AKAP13: variants seen among roughly 807,000 people sequenced by gnomAD.
AKAP13 encodes A-kinase anchor protein 13.
In AKAP13, 80 loss-of-function variants were observed where a neutral mutation model predicts 264.5. The observed-to-expected ratio is 0.30, with a 90% CI of 0.25 to 0.36. The LOEUF (loss-of-function observed/expected upper bound fraction) is 0.36, where lower values mean the gene tolerates loss of function less well. Among genes scored for constraint, AKAP13 ranks in the 10% least tolerant of loss-of-function variants. The probability of loss-of-function intolerance (pLI) is 1.00; values close to 1 mark genes in which losing one functional copy is unlikely to be tolerated. For missense variants in AKAP13, 3,712 were observed against 3,435.2 expected, an observed-to-expected ratio of 1.08 and a Z score of -2.01; for synonymous variants, 1,380 against 1,250.2, an observed-to-expected ratio of 1.10 and a Z score of -2.19.
intron 5 of AKAP13, among the ~76,000 whole-genome samples, chr15:85,548,348 G>T (rs893683468): frequency 6.6e-6 from 1 of 152,126 alleles, no homozygotes; most frequent in African/African-American, 2.4e-5. Flanking sequence ...AAAAATTAGG[G>T]CTTATTTGTC....
Position 85,543,882 on chromosome 15 carries a change from A to G in AKAP13, c.589A>G (p.Asn197Asp). The change falls in exon 5 of 37, where the codon AAC (asparagine) becomes GAC (aspartate). Residue 197 changes from asparagine (N) to aspartate (D), a missense_variant. By Grantham distance (23) the Asn-to-Asp change is conservative. Coordinates refer to ENST00000394518, the MANE Select transcript of AKAP13 (RefSeq NM_007200.5). Reference sequence around the variant, plus strand: ...TGGCCGCGGAGCTCTCAGTATCCACAACCAGGAAGGGGCGACGCCTGTGAG... The same window carrying G: ...TGGCCGCGGAGCTCTCAGTATCCACGACCAGGAAGGGGCGACGCCTGTGAG... ...PGGRGALSIH[N>D]QEGATPVSLA... 1 of 1,614,106 alleles carries G rather than the reference A, an allele frequency of 6.2e-7. No homozygotes were observed. Among genetic ancestry groups the G allele is most frequent in the Non-Finnish European group, 8.5e-7 (1 of 1,180,006 alleles).
chr15:85,645,810 T>G lies in AKAP13; in HGVS notation c.4238-8T>G. The G allele has an allele frequency of 6.3e-7, 1 of 1,577,776 alleles. No individual in the cohort carries two copies. The highest frequency in any genetic ancestry group is 8.6e-7 in the Non-Finnish European group (1 of 1,166,692). ...TTTCAATATTGGTGAATAAATTCTC[T>G]TTTTCAGAATGTGAGAACTTCCTGG... On this transcript the variant is annotated splice_polypyrimidine_tract_variant and splice_region_variant and intron_variant, in intron 9 of 36. Coordinates refer to ENST00000394518, the MANE Select transcript of AKAP13 (RefSeq NM_007200.5).
chr15:85,681,391 CAT>C (rs2084589842), intron 14 of AKAP13, among the ~76,000 whole-genome samples: 2 of 152,278 alleles, frequency 1.3e-5, no homozygotes, highest in South Asian at 2.1e-4. Context: ...TCTTTATTAA[CAT>C]GTGGTAGATA....
At chr15:85,417,164 A>C (rs2072279352) in intron 1 of AKAP13, among the ~76,000 whole-genome samples, 1 of 152,118 alleles carries the variant, frequency 6.6e-6, no homozygotes. Context: ...TGATTGTTTG[A>C]TATTAAGTTT....
At chr15:85,631,866 A>G (rs964544924) in intron 8 of AKAP13, among the ~76,000 whole-genome samples, 2 of 152,174 alleles carry the variant, frequency 1.3e-5, no homozygotes, top group African/African-American at 4.8e-5. Flanking sequence ...TAAATTTTTT[A>G]AAAATAAAAG....
At chr15:85,460,122 T>C (rs867242195) in intron 1 of AKAP13, among the ~76,000 whole-genome samples, 1 of 152,224 alleles carries the variant, frequency 6.6e-6, no homozygotes, top group Admixed American at 6.5e-5. Context: ...TTACAGACTT[T>C]TAATGGCTTC....
At chr15:85,426,310 C>G (rs922710814) in intron 1 of AKAP13, among the ~76,000 whole-genome samples, 11 of 152,196 alleles carry the variant, frequency 7.2e-5, no homozygotes, top group African/African-American at 1.9e-4. Flanking sequence ...TGTTCAGCCA[C>G]TGGGGCAAGA....
intron 2 of AKAP13, among the ~76,000 whole-genome samples, chr15:85,495,654 T>C (rs1027193765): frequency 6.6e-6 from 1 of 152,212 alleles, no homozygotes. Flanking sequence ...GAAGGTAATA[T>C]ATGGGATAAT....
chr15:85,496,652 T>C (rs1356950816), intron 2 of AKAP13, among the ~76,000 whole-genome samples: 1 of 152,220 alleles, frequency 6.6e-6, no homozygotes, highest in Non-Finnish European at 1.5e-5. Context: ...CAGCAGGCTC[T>C]GAAATAACCT....
rs184875207 is a variant in AKAP13 at position 85,482,074 on chromosome 15, T to G, written c.-11-3636T>G. Among the ~76,000 whole-genome samples the G allele has an allele frequency of 1.5e-4, 23 of 152,346 alleles. No individual in the cohort carries two copies. The East Asian group carries it at 3.7e-3, about 24-fold the overall frequency. On this transcript the variant is annotated intron_variant, in intron 1 of 36. Coordinates refer to ENST00000394518, the MANE Select transcript of AKAP13 (RefSeq NM_007200.5). ...TGTAATATGCTCCTCCCTTTAGAAC[T>G]CAGTTCTTAAGTAGAGTTTGTTTAA...
intron 1 of AKAP13, among the ~76,000 whole-genome samples, chr15:85,461,562 C>T (rs552733771): frequency 6.6e-6 from 1 of 152,146 alleles, no homozygotes; most frequent in South Asian, 2.1e-4. Flanking sequence ...ACCAAATCCC[C>T]CTATTTATTT....
At chr15:85,384,963 G>A (rs1306899060) in intron 1 of AKAP13, among the ~76,000 whole-genome samples, 1 of 152,164 alleles carries the variant, frequency 6.6e-6, no homozygotes, top group African/African-American at 2.4e-5. Context: ...TCAGTGCCTG[G>A]GGAATGTGGA....
chr15:85,680,204 T>C (rs547224947), intron 14 of AKAP13, among the ~76,000 whole-genome samples: 3 of 152,354 alleles, frequency 2.0e-5, no homozygotes, highest in African/African-American at 7.2e-5. Context: ...CTTAAATGTA[T>C]AGTAGAATCC....
At chr15:85,676,463 C>T (rs961362883) in intron 14 of AKAP13, among the ~76,000 whole-genome samples, 2 of 152,206 alleles carry the variant, frequency 1.3e-5, no homozygotes, top group African/African-American at 4.8e-5. Context: ...GATAAGTTCA[C>T]TTACCTGCTT....
chr15:85,686,694 T>G (rs1306618250), intron 16 of AKAP13, among the ~76,000 whole-genome samples: 1 of 152,160 alleles, frequency 6.6e-6, no homozygotes, highest in Non-Finnish European at 1.5e-5. Flanking sequence ...AAATAGAGCC[T>G]TACCTTTTTT....
intron 4 of AKAP13, among the ~76,000 whole-genome samples, chr15:85,539,277 A>G (rs2077506882): frequency 6.6e-6 from 1 of 152,120 alleles, no homozygotes; most frequent in South Asian, 2.1e-4. Flanking sequence ...GAGCTCCAAA[A>G]GGTTTTGTTG....
Position 85,741,368 on chromosome 15 carries a change from A to G in AKAP13, c.7931A>G (p.Lys2644Arg). 2 of 1,614,064 alleles carry G rather than the reference A, an allele frequency of 1.2e-6. No individual in the cohort carries two copies. The highest frequency in any genetic ancestry group is 1.3e-5 in the African/African-American group (1 of 75,030). ...EKEREELQQK[K>R]GTYQYDLERL... ...GAGCGGGAGGAGCTCCAGCAGAAGA[A>G]GGGCACATACCAGTATGACCTGGAG... The change falls in exon 35 of 37, where the codon AAG (lysine) becomes AGG (arginine). Residue 2644 changes from lysine to arginine, a missense_variant. Lys to Arg is a conservative substitution (Grantham distance 26). This residue lies in a region of AKAP13 where 611 missense variants were observed against 539.3 expected (regional missense o/e 1.13). Coordinates refer to ENST00000394518, the MANE Select transcript of AKAP13 (RefSeq NM_007200.5).
intron 1 of AKAP13, among the ~76,000 whole-genome samples, chr15:85,414,203 C>T (rs561407484): frequency 6.6e-6 from 1 of 152,230 alleles, no homozygotes; most frequent in East Asian, 1.9e-4. Flanking sequence ...TGGTACTTGT[C>T]TTTCAGATTT....
At chr15:85,508,655 C>T (rs1480363800) in intron 2 of AKAP13, among the ~76,000 whole-genome samples, 2 of 151,846 alleles carry the variant, frequency 1.3e-5, no homozygotes, top group Admixed American at 1.3e-4. Flanking sequence ...TGAATCATGT[C>T]ACTCTTCTTT....
Sources: allele counts gnomAD v4.1 joint callset (sites outside exome capture counted in the v4.1 genomes callset), GRCh38; gene constraint gnomAD v4.1.1; regional missense constraint gnomAD v4.1.1; transcripts MANE v1.5; gene names NCBI Gene and HGNC (gene_info 2026-07-23, HGNC 2026-07-21).